TRPV4: variants seen among roughly 807,000 people sequenced by gnomAD.
TRPV4 encodes OSM9-like transient receptor potential channel 4.
In TRPV4, 58 loss-of-function variants were observed where a neutral mutation model predicts 84.1. The observed-to-expected ratio is 0.69, with a 90% CI of 0.56 to 0.86. The LOEUF (loss-of-function observed/expected upper bound fraction) is 0.86. Ranked by LOEUF, TRPV4 falls within the 40% of genes least tolerant of loss-of-function variation. The pLI is 0.00. For missense variants in TRPV4, 879 were observed against 1,181.1 expected (o/e 0.74, Z 3.75); for synonymous variants, 489 against 500.9 (o/e 0.98, Z 0.32).
chr12:109,795,350 T>C (rs1030495546), intron 7 of TRPV4, among the ~76,000 whole-genome samples: 101 of 152,242 alleles, frequency 6.6e-4, no homozygotes, highest in Non-Finnish European at 8.8e-4. Context: ...CTAATTTAAA[T>C]CAAGATGGTC....
rs760428569 is a variant in TRPV4 at position 109,796,699 on chromosome 12, A to C, written c.1158T>G (p.Phe386Leu). ...TCACCTCCCGCCGGATGATGTGCTG[A>C]AAGATCTGCACAGGGGGCCAGGAGG... ...MAAKTGKIGIFQHIIRREVTD... is the reference protein window; with the variant it reads ...MAAKTGKIGILQHIIRREVTD... The change falls in exon 7 of 16, where the codon TTT (phenylalanine) becomes TTG (leucine). Residue 386 changes from phenylalanine to leucine, a missense_variant. By Grantham distance (22) the Phe-to-Leu change is conservative (BLOSUM62 0). Coordinates refer to ENST00000261740, the MANE Select transcript of TRPV4 (RefSeq NM_021625.5). This position sits in a 1 kb window ranked among gnomAD's most constrained non-coding sequence, Gnocchi z 4.2. 4.3e-6 allele frequency: 7 copies of C among 1,612,158 alleles called. No homozygotes were observed. The highest frequency in any genetic ancestry group is 5.9e-6 in the Non-Finnish European group (7 of 1,178,608).
At chr12:109,807,276 C>CAAAAAAAAAA (rs200798445) in intron 3 of TRPV4, among the ~76,000 whole-genome samples, 1 of 107,370 alleles carries the variant, frequency 9.3e-6, no homozygotes, top group African/African-American at 2.9e-5. Flanking sequence ...AACTCTGTCT[C>CAAAAAAAAAA]AAAAAAAAAA....
chr12:109,807,395 T>C (rs936693035), intron 3 of TRPV4, among the ~76,000 whole-genome samples: 4 of 145,456 alleles, frequency 2.7e-5, no homozygotes, highest in African/African-American at 7.5e-5. Flanking sequence ...TCACAATTCT[T>C]TTTTTTTTTT....
chr12:109,786,721 C>T lies in TRPV4; in HGVS notation c.2325G>A (p.Arg775=), dbSNP rs760287919. The T allele has an allele frequency of 3.1e-6, 5 of 1,613,752 alleles. No individual in the cohort carries two copies. In the African/African-American group the frequency reaches 5.3e-5, roughly 17 times the overall value. ...TGCCCCAGCCTCACCTGAAGCACCA[C>T]CTGCGGTCAGGAGTGCCGTCCGAGC... ...GKSSDGTPDR[R]WCFRVDEVNW... Residue 775 remains arginine, a synonymous_variant, in exon 14 of 16, where the codon AGG becomes AGA. Transcript: ENST00000261740. This position sits in a 1 kb window ranked among gnomAD's most constrained non-coding sequence, Gnocchi z 4.5.
At chr12:109,805,970 A>G (rs1891092996) in intron 3 of TRPV4, among the ~76,000 whole-genome samples, 1 of 152,186 alleles carries the variant, frequency 6.6e-6, no homozygotes, top group South Asian at 2.1e-4. Flanking sequence ...CTCTACCCCA[A>G]GATTCCGCAC....
At chr12:109,821,330 GCT>G (rs1355543092) in intron 1 of TRPV4, among the ~76,000 whole-genome samples, 3 of 152,276 alleles carry the variant, frequency 2.0e-5, no homozygotes, top group Admixed American at 1.3e-4. Flanking sequence ...AAGGCTGATG[GCT>G]CTCTCTGCCT....
In TRPV4 at chr12:109,786,779, A is replaced by T. The variant is rs779238510; in HGVS notation, c.2267T>A (p.Phe756Tyr). The T allele has an allele frequency of 1.9e-6, 3 of 1,613,910 alleles. No homozygotes were observed. The highest frequency in any genetic ancestry group is 3.3e-5 in the Admixed American group (2 of 60,000). The change falls in exon 14 of 16, where the codon TTC becomes TAC. Residue 756 changes from phenylalanine to tyrosine, a missense_variant. Around this residue, in one of 4 missense-constraint regions of TRPV4, gnomAD observed 242 missense variants for 355.3 expected, o/e 0.68. Coordinates refer to ENST00000261740, the MANE Select transcript of TRPV4 (RefSeq NM_021625.5). The surrounding 1 kb of genome is among the most constrained non-coding windows in gnomAD (Gnocchi z 4.5). Reference sequence around the variant, plus strand: ...CACGGTGACCATCTCCCCAGAGCGGAAGGCCTTCCTCAGGAATACGGGGAA... The same window carrying T: ...CACGGTGACCATCTCCCCAGAGCGGTAGGCCTTCCTCAGGAATACGGGGAA... Reference protein sequence around the residue: ...RSFPVFLRKAFRSGEMVTVGK... With the variant: ...RSFPVFLRKAYRSGEMVTVGK...
Position 109,814,654 on chromosome 12 carries a change from G to T in TRPV4, c.143C>A (p.Ser48Ter), listed in dbSNP as rs756185743. Residue 48 changes from serine to a stop codon, truncating the protein, a stop_gained, in exon 2 of 16, where the codon TCG (serine) becomes TAG (stop). Transcript: ENST00000261740. LOFTEE classifies it high-confidence loss of function. The surrounding 1 kb of genome is among the most constrained non-coding windows in gnomAD (Gnocchi z 5.4). ...GCGACTGGCATCAGCCGGTGAGGGC[G>T]AAAGGGAGCCATCCTCCCCCTCAAA... is the stretch of plus-strand genomic sequence containing the variant. ...NLFEGEDGSL[S>*]PSPADASRPA... 1 of 1,613,492 alleles carries T rather than the reference G, an allele frequency of 6.2e-7. No individual in the cohort carries two copies. The highest frequency in any genetic ancestry group is 8.5e-7 in the Non-Finnish European group (1 of 1,179,884).
At chr12:109,807,934 C>T (rs1891244816) in intron 3 of TRPV4, among the ~76,000 whole-genome samples, 1 of 152,144 alleles carries the variant, frequency 6.6e-6, no homozygotes, top group Non-Finnish European at 1.5e-5. Context: ...CAGGAGTATG[C>T]TATGATTATT....
intron 1 of TRPV4, among the ~76,000 whole-genome samples, chr12:109,829,988 G>T (rs1319834083): frequency 1.3e-5 from 2 of 152,146 alleles, no homozygotes; most frequent in African/African-American, 4.8e-5. Flanking sequence ...GCTAATTTTT[G>T]TATTTTTTCT....
chr12:109,797,828 G>A (rs1048547003), intron 6 of TRPV4, among the ~76,000 whole-genome samples: 1 of 152,070 alleles, frequency 6.6e-6, no homozygotes, highest in Non-Finnish European at 1.5e-5. Flanking sequence ...GCTTCTCCCA[G>A]GCTCCTTCCT....
chr12:109,812,283 C>A (rs529377746), intron 2 of TRPV4, among the ~76,000 whole-genome samples: 2 of 152,312 alleles, frequency 1.3e-5, no homozygotes, highest in Non-Finnish European at 2.9e-5. Context: ...GCATGGAATG[C>A]GTCATAGGGG....
intron 5 of TRPV4, 68 bp downstream of exon 5, chr12:109,800,550 C>T (rs1255265026): frequency 1.3e-6 from 2 of 1,594,896 alleles, no homozygotes; most frequent in African/African-American, 2.7e-5. Context: ...CAGACACCAA[C>T]CAGTATCATG....
intron 3 of TRPV4, among the ~76,000 whole-genome samples, chr12:109,806,167 T>C (rs1199384870): frequency 6.6e-6 from 1 of 152,090 alleles, no homozygotes; most frequent in East Asian, 1.9e-4. Flanking sequence ...GAACCATGAA[T>C]GAATATTTTT....
At chr12:109,797,203 G>A (rs1890457564) in intron 6 of TRPV4, among the ~76,000 whole-genome samples, 1 of 152,156 alleles carries the variant, frequency 6.6e-6, no homozygotes, top group Non-Finnish European at 1.5e-5. Flanking sequence ...CCAGGCTGGA[G>A]TGCAGTGGCG....
rs202084699 is a variant in TRPV4, at chr12:109,798,830, C to T, written c.936G>A (p.Ala312=). 1.4e-5 allele frequency: 23 copies of T among 1,614,146 alleles called. No individual in the cohort carries two copies. The East Asian group carries it at 2.5e-4, about 17-fold the overall frequency. The change falls in exon 6 of 16, where the codon GCG becomes GCA. Residue 312 remains alanine (A), a synonymous_variant. Coordinates refer to ENST00000261740, the MANE Select transcript of TRPV4 (RefSeq NM_021625.5). The surrounding 1 kb of genome is among the most constrained non-coding windows in gnomAD (Gnocchi z 5.0). ...NYLTENPHKK[A]DMRRQDSRGN... ...CTCGCGAGTCCTGGCGCCGCATGTCCGCCTTCTTGTGGGGGTTCTCCGTCA... is the reference window on the plus strand; with the variant it reads ...CTCGCGAGTCCTGGCGCCGCATGTCTGCCTTCTTGTGGGGGTTCTCCGTCA...
chr12:109,813,917 G>A (rs1433978137), intron 2 of TRPV4, among the ~76,000 whole-genome samples: 2 of 151,972 alleles, frequency 1.3e-5, no homozygotes, highest in Non-Finnish European at 2.9e-5. Flanking sequence ...ATGGAATAAT[G>A]ATGGATAGAT....
chr12:109,785,683 T>C (rs965633485), intron 14 of TRPV4, among the ~76,000 whole-genome samples: 1 of 151,158 alleles, frequency 6.6e-6, no homozygotes. Context: ...CCTCCCAAAG[T>C]GCTGGGATTA....
At chr12:109,800,886 C>A (rs977947905) in intron 4 of TRPV4, 128 bp from the exon 5 acceptor site, 1 of 886,574 alleles carries the variant, frequency 1.1e-6, no homozygotes, top group Non-Finnish European at 1.8e-6. Context: ...TCCTGCCCAG[C>A]GACACCCAAG....
Sources: allele counts gnomAD v4.1 joint callset (sites outside exome capture counted in the v4.1 genomes callset), GRCh38; gene constraint gnomAD v4.1.1; regional missense constraint gnomAD v4.1.1; non-coding constraint Gnocchi (gnomAD v3.1); transcripts MANE v1.5; gene names NCBI Gene and HGNC (gene_info 2026-07-23, HGNC 2026-07-21).